The following KCNIP1 variants were observed in gnomAD, a reference collection of about 807,000 sequenced individuals.
KCNIP1 encodes the protein A-type potassium channel modulatory protein KCNIP1.
Under a neutral mutation model 33.0 loss-of-function variants are expected in KCNIP1, and 18 were observed. The ratio of observed to expected loss-of-function variants is 0.55; its 90% CI spans 0.38 to 0.81. KCNIP1 has a LOEUF of 0.81. Among genes scored for constraint, KCNIP1 ranks in the 30% least tolerant of loss-of-function variants. The pLI is 0.00. For missense variants in KCNIP1, 238 were observed against 271.6 expected (o/e 0.88, Z 0.87); for synonymous variants, 93 against 98.3 (o/e 0.95, Z 0.32).
chr5:170,648,414 A>G (rs1482053960), intron 1 of KCNIP1, among the ~76,000 whole-genome samples: 7 of 152,240 alleles, frequency 4.6e-5, no homozygotes, highest in Non-Finnish European at 8.8e-5. Flanking sequence ...TAAATAAATG[A>G]TGGTGCATCC....
chr5:170,510,798 T>C (rs1250839649), intron 1 of KCNIP1, among the ~76,000 whole-genome samples: 2 of 152,156 alleles, frequency 1.3e-5, no homozygotes, highest in Non-Finnish European at 2.9e-5. Flanking sequence ...ATCAGGAAGC[T>C]AGAAGTAGGA....
At chr5:170,394,256 G>A (rs541095709) in intron 1 of KCNIP1, among the ~76,000 whole-genome samples, 6 of 152,238 alleles carry the variant, frequency 3.9e-5, no homozygotes, top group Admixed American at 2.6e-4. Context: ...CTCTGCTTCC[G>A]CATGCTGGGA....
intron 1 of KCNIP1, among the ~76,000 whole-genome samples, chr5:170,456,473 A>C (rs1420056829): frequency 6.6e-6 from 1 of 152,078 alleles, no homozygotes; most frequent in Admixed American, 6.5e-5. Context: ...ACTTAGAGTA[A>C]AATTTTTTTA....
intron 1 of KCNIP1, among the ~76,000 whole-genome samples, chr5:170,399,766 T>G (rs367906736): frequency 6.6e-6 from 1 of 152,246 alleles, no homozygotes; most frequent in Non-Finnish European, 1.5e-5. Flanking sequence ...CATATAGATA[T>G]GTCATAAAAT....
intron 1 of KCNIP1, among the ~76,000 whole-genome samples, chr5:170,356,687 T>A (rs917149868): frequency 6.6e-6 from 1 of 152,158 alleles, no homozygotes; most frequent in African/African-American, 2.4e-5. Context: ...ACCATGTGCA[T>A]TTTTTTGCTC....
At chr5:170,493,816 T>C (rs1382349623) in intron 1 of KCNIP1, among the ~76,000 whole-genome samples, 1 of 152,224 alleles carries the variant, frequency 6.6e-6, no homozygotes, top group Non-Finnish European at 1.5e-5. Context: ...TTTAATTAAA[T>C]GTCTCTTCTC....
intron 1 of KCNIP1, among the ~76,000 whole-genome samples, chr5:170,600,341 C>T (rs1043590407): frequency 4.6e-5 from 7 of 152,198 alleles, no homozygotes; most frequent in African/African-American, 1.7e-4. Flanking sequence ...CTGTATTTAG[C>T]GTCCAGGCTT....
intron 1 of KCNIP1, among the ~76,000 whole-genome samples, chr5:170,513,333 A>T (rs1310609037): frequency 6.6e-6 from 1 of 152,226 alleles, no homozygotes; most frequent in Non-Finnish European, 1.5e-5. Flanking sequence ...TAGGCCTGAC[A>T]TCCGAACCCC....
At chr5:170,546,618 C>T (rs1756417574) in intron 1 of KCNIP1, among the ~76,000 whole-genome samples, 1 of 152,286 alleles carries the variant, frequency 6.6e-6, no homozygotes, top group South Asian at 2.1e-4. Flanking sequence ...ACAGAGGACC[C>T]ACTTTGTCCT....
At chr5:170,600,184 T>C (rs1758637889) in intron 1 of KCNIP1, among the ~76,000 whole-genome samples, 1 of 152,182 alleles carries the variant, frequency 6.6e-6, no homozygotes, top group African/African-American at 2.4e-5. Flanking sequence ...CTCAGGTAAC[T>C]GGTCCTTACG....
At chr5:170,634,453 A>G (rs1411021550) in intron 1 of KCNIP1, among the ~76,000 whole-genome samples, 1 of 152,216 alleles carries the variant, frequency 6.6e-6, no homozygotes, top group Non-Finnish European at 1.5e-5. Flanking sequence ...AGTGATGCCA[A>G]TGCTGCCAGA....
chr5:170,517,305 T>C (rs1755159934), intron 1 of KCNIP1, among the ~76,000 whole-genome samples: 1 of 152,138 alleles, frequency 6.6e-6, no homozygotes, highest in Non-Finnish European at 1.5e-5. Flanking sequence ...CAAGAACAGC[T>C]TGGGGGAAAC....
intron 1 of KCNIP1, among the ~76,000 whole-genome samples, chr5:170,441,849 G>A (rs1581196152): frequency 1.3e-5 from 2 of 151,424 alleles, no homozygotes; most frequent in East Asian, 3.9e-4. Flanking sequence ...CTACTCGGGA[G>A]GCTGAGGCAG....
At chr5:170,386,277 C>T (rs1195378196) in intron 1 of KCNIP1, among the ~76,000 whole-genome samples, 40 of 152,066 alleles carry the variant, frequency 2.6e-4, no homozygotes. Context: ...GTGATATGAC[C>T]AGGGAGACAG....
intron 1 of KCNIP1, among the ~76,000 whole-genome samples, chr5:170,561,715 C>A (rs902760474): frequency 6.6e-6 from 1 of 152,200 alleles, no homozygotes; most frequent in African/African-American, 2.4e-5. Flanking sequence ...AGTAGGTACA[C>A]AAGGTAGTCT....
At chr5:170,697,507 C>G (rs1195083443) in intron 1 of KCNIP1, among the ~76,000 whole-genome samples, 1 of 152,202 alleles carries the variant, frequency 6.6e-6, no homozygotes, top group Non-Finnish European at 1.5e-5. Context: ...CAGGCTGATA[C>G]TTTGCACTAG....
rs575985963 is a variant in KCNIP1 at position 170,391,836 on chromosome 5, A to T, written c.88+37872A>T. ...CCTCAGTGTTTTTGAGGAATGAGAG[A>T]TCACCTAAGCTACCTGACACATAGT... On this transcript the variant is annotated intron_variant, in intron 1 of 7. Coordinates refer to the KCNIP1 transcript ENST00000377360. Among the ~76,000 whole-genome samples, 324 of 152,292 alleles carry T rather than the reference A, an allele frequency of 2.1e-3. 2 individuals are homozygous for T. Among genetic ancestry groups the T allele is most frequent in the Non-Finnish European group, 3.8e-3 (257 of 68,024 alleles).
intron 1 of KCNIP1, among the ~76,000 whole-genome samples, chr5:170,473,602 C>CT (rs1396611763): frequency 6.6e-5 from 10 of 152,126 alleles, no homozygotes; most frequent in African/African-American, 2.2e-4. Flanking sequence ...TTCGGCTGAG[C>CT]ACCAGGGCCC....
chr5:170,679,864 A>G (rs1762271709), intron 1 of KCNIP1, among the ~76,000 whole-genome samples: 1 of 152,096 alleles, frequency 6.6e-6, no homozygotes, highest in Non-Finnish European at 1.5e-5. Flanking sequence ...CTCACCGATG[A>G]GCATGTAAGT....
Sources: allele counts gnomAD v4.1 joint callset (sites outside exome capture counted in the v4.1 genomes callset), GRCh38; gene constraint gnomAD v4.1.1; transcripts MANE v1.5; gene names NCBI Gene and HGNC (gene_info 2026-07-23, HGNC 2026-07-21).